Variants in DIAPH2 observed in about 807,000 individuals in gnomAD.
DIAPH2 encodes the protein protein diaphanous homolog 2.
A neutral mutation model predicts 92.7 loss-of-function variants in DIAPH2; 35 were observed. That is an observed-to-expected ratio of 0.38 (90% CI 0.29 to 0.50). The LOEUF is 0.50. Ranked by LOEUF, DIAPH2 falls within the 20% of genes least tolerant of loss-of-function variation. DIAPH2 has a pLI of 0.94. For missense variants in DIAPH2, 701 were observed against 819.5 expected, an observed-to-expected ratio of 0.86 and a Z score of 1.77; for synonymous variants, 301 against 280.4, an observed-to-expected ratio of 1.07 and a Z score of -0.73.
At chrX:97,185,474 C>CTGTGT in intron 22 of DIAPH2, among the ~76,000 whole-genome samples, 1 of 10,504 alleles carries the variant, frequency 9.5e-5, no homozygotes, top group Middle Eastern at 0.083. Flanking sequence ...TATATATACA[C>CTGTGT]ATATATATAT....
At chrX:97,558,653 A>G (rs1316602832) in intron 26 of DIAPH2, among the ~76,000 whole-genome samples, 2 of 112,072 alleles carry the variant, frequency 1.8e-5, no homozygotes, top group Non-Finnish European at 3.8e-5. Flanking sequence ...AAGAAATTAG[A>G]GCAGTGGTTT....
intron 4 of DIAPH2, among the ~76,000 whole-genome samples, chrX:96,809,591 A>G (rs2064659137): frequency 9.2e-6 from 1 of 108,949 alleles, no homozygotes; most frequent in East Asian, 2.9e-4. Context: ...ACAGGTATAC[A>G]TGTGCCATGT....
At chrX:96,857,383 A>C (rs907504398) in intron 4 of DIAPH2, among the ~76,000 whole-genome samples, 1 of 112,238 alleles carries the variant, frequency 8.9e-6, no homozygotes, top group Admixed American at 9.4e-5. Context: ...CTTATTTACA[A>C]AAATGTTCAG....
chrX:97,453,067 C>A (rs774690965), intron 26 of DIAPH2, among the ~76,000 whole-genome samples: 1 of 111,304 alleles, frequency 9.0e-6, no homozygotes, highest in Non-Finnish European at 1.9e-5. Flanking sequence ...AAGCAACCAC[C>A]TTTACATTTT....
intron 3 of DIAPH2, among the ~76,000 whole-genome samples, chrX:96,752,730 T>G (rs1170950363): frequency 1.8e-5 from 2 of 111,786 alleles, no homozygotes; most frequent in African/African-American, 6.5e-5. Flanking sequence ...AGCAAAATAA[T>G]GAGTGTGTAA....
At chrX:97,029,152 T>C (rs1408039882) in intron 17 of DIAPH2, among the ~76,000 whole-genome samples, 6 of 107,602 alleles carry the variant, frequency 5.6e-5, no homozygotes, top group African/African-American at 1.3e-4. Context: ...TTTTCTTTTT[T>C]TTTTTTTTTT....
chrX:96,831,999 A>G (rs962817077), intron 4 of DIAPH2, among the ~76,000 whole-genome samples: 2 of 111,795 alleles, frequency 1.8e-5, no homozygotes, highest in Non-Finnish European at 3.8e-5. Flanking sequence ...TTCAAGGAGT[A>G]GGAAAGTACG....
chrX:96,713,003 T>G (rs1396239782), intron 1 of DIAPH2, among the ~76,000 whole-genome samples: 3 of 111,099 alleles, frequency 2.7e-5, no homozygotes, highest in Admixed American at 9.6e-5. Flanking sequence ...TCATGATTTG[T>G]CTTGGAATTG....
At chrX:97,495,550 C>T (rs2070752471) in intron 26 of DIAPH2, among the ~76,000 whole-genome samples, 1 of 111,198 alleles carries the variant, frequency 9.0e-6, no homozygotes, top group South Asian at 3.8e-4. Context: ...AGTTTGAGAT[C>T]TAATATAAAA....
intron 26 of DIAPH2, among the ~76,000 whole-genome samples, chrX:97,524,715 T>C (rs939386862): frequency 1.8e-5 from 2 of 112,348 alleles, no homozygotes; most frequent in Non-Finnish European, 3.8e-5. Context: ...ATTTTTCTGA[T>C]ACCTTTTGAT....
At position 97,602,419 on chromosome X, in the gene DIAPH2, G is replaced by A. The variant is rs1013510226; in HGVS notation, c.*3102G>A. On this transcript the variant is annotated 3_prime_UTR_variant, in exon 27 of 27. Transcript: ENST00000324765. ...TCTTCCTCTGAGAACCAGTGAAACA[G>A]AAAAGTTAATCTGCTTTCAAATTAC... The A allele has an allele frequency of 6.2e-5, 7 of 112,479 alleles. No individual in the cohort carries two copies. The highest frequency in any genetic ancestry group is 2.3e-4 in the African/African-American group (7 of 30,960). The allele number at this position is 112,479 out of a possible 1,213,427, so 9.3% of individuals were successfully genotyped here.
chrX:97,427,000 A>T (rs1203124212), intron 25 of DIAPH2, among the ~76,000 whole-genome samples: 2 of 57,987 alleles, frequency 3.4e-5, no homozygotes, highest in Non-Finnish European at 3.4e-5. Context: ...AACATGGTGA[A>T]ACCCTGTCTC....
At chrX:96,983,262 T>A (rs1347963871) in intron 17 of DIAPH2, among the ~76,000 whole-genome samples, 1 of 111,387 alleles carries the variant, frequency 9.0e-6, no homozygotes, top group African/African-American at 3.3e-5. Context: ...CTAGTGACAC[T>A]TTTTTTATGA....
At chrX:96,694,238 T>TA (rs2063812791) in intron 1 of DIAPH2, among the ~76,000 whole-genome samples, 2 of 111,955 alleles carry the variant, frequency 1.8e-5, no homozygotes, top group Non-Finnish European at 3.8e-5. Context: ...TATAGCTAAT[T>TA]GTAGATCAAT....
intron 13 of DIAPH2, among the ~76,000 whole-genome samples, chrX:96,944,360 T>C (rs2065725163): frequency 8.9e-6 from 1 of 111,970 alleles, no homozygotes; most frequent in South Asian, 3.7e-4. Flanking sequence ...ACCAGCTTTA[T>C]TGAGGTACAT....
intron 26 of DIAPH2, among the ~76,000 whole-genome samples, chrX:97,547,455 A>G (rs1388475841): frequency 8.9e-6 from 1 of 112,251 alleles, no homozygotes; most frequent in Admixed American, 9.4e-5. Flanking sequence ...GCCAAAATCT[A>G]GATACTGACC....
chrX:97,416,083 A>G (rs1040636476), intron 25 of DIAPH2, among the ~76,000 whole-genome samples: 4 of 112,230 alleles, frequency 3.6e-5, no homozygotes, highest in Admixed American at 9.5e-5. Flanking sequence ...GTTAATTGAG[A>G]AAGAATCCAG....
intron 17 of DIAPH2, among the ~76,000 whole-genome samples, chrX:97,050,947 G>A (rs977685136): frequency 4.0e-4 from 45 of 111,916 alleles, no homozygotes; most frequent in African/African-American, 1.4e-3. Context: ...GAATGATTTT[G>A]TTAAAAGTAT....
At chrX:97,216,535 G>A (rs1208940500) in intron 22 of DIAPH2, among the ~76,000 whole-genome samples, 1 of 109,096 alleles carries the variant, frequency 9.2e-6, no homozygotes, top group East Asian at 2.9e-4. Flanking sequence ...CGAGTTCCTG[G>A]GCTCAAGTGA....
Sources: allele counts gnomAD v4.1 joint callset (sites outside exome capture counted in the v4.1 genomes callset), GRCh38; gene constraint gnomAD v4.1.1; transcripts MANE v1.5; gene names NCBI Gene and HGNC (gene_info 2026-07-23, HGNC 2026-07-21).